The following RBMS3 variants were observed in gnomAD, a reference collection of about 807,000 sequenced individuals.
The protein encoded by RBMS3 is RNA-binding motif, single-stranded-interacting protein 3.
In RBMS3, 27 loss-of-function variants were observed where a neutral mutation model predicts 66.8. The observed-to-expected ratio is 0.40, with a 90% CI of 0.30 to 0.56. The LOEUF (loss-of-function observed/expected upper bound fraction) is 0.56. RBMS3 is among the 20% of genes least tolerant of loss of function. The probability of loss-of-function intolerance (pLI) is 0.40; values close to 1 mark genes in which losing one functional copy is unlikely to be tolerated. For synonymous variants in RBMS3, 188 were observed against 183.0 expected, an observed-to-expected ratio of 1.03 and a Z score of -0.22; for missense variants, 513 against 549.5, an observed-to-expected ratio of 0.93 and a Z score of 0.66.
intron 1 of RBMS3, among the ~76,000 whole-genome samples, chr3:29,285,143 C>T (rs1415146922): frequency 6.8e-6 from 1 of 147,800 alleles, no homozygotes; most frequent in East Asian, 2.0e-4. Context: ...AGTATTTTAT[C>T]ACCCTTTCCA....
At chr3:29,550,626 A>AGTGTAATAATTTT (rs1218949352) in intron 3 of RBMS3, among the ~76,000 whole-genome samples, 1 of 152,162 alleles carries the variant, frequency 6.6e-6, no homozygotes, top group African/African-American at 2.4e-5. Context: ...ATAGTGTAAT[A>AGTGTAATAATTTT]GTGTAATAAT....
chr3:29,936,138 A>G lies in RBMS3; in HGVS notation c.992A>G (p.Asn331Ser), dbSNP rs2061259565. The change falls in exon 11 of 15, where the codon AAC becomes AGC. Residue 331 changes from asparagine (N) to serine (S), a missense_variant. Coordinates refer to ENST00000383767, the MANE Select transcript of RBMS3 (RefSeq NM_001003793.3). The stretch of plus-strand genomic sequence containing the variant: ...CATCCCATGTCAATGCAGCCAGCCA[A>G]CATGATGGGCCCACTGACACAGCAG... Reference protein sequence around the residue: ...MDHPMSMQPANMMGPLTQQMN... With the variant: ...MDHPMSMQPASMMGPLTQQMN... The G allele has an allele frequency of 3.1e-6, 5 of 1,613,388 alleles. No homozygotes were observed. The highest frequency in any genetic ancestry group is 3.4e-6 in the Non-Finnish European group (4 of 1,179,556).
intron 4 of RBMS3, among the ~76,000 whole-genome samples, chr3:29,727,930 T>G (rs111448242): frequency 0.1 from 15,320 of 152,154 alleles, 881 homozygotes; most frequent in Middle Eastern, 0.21. Flanking sequence ...CAGCACTATT[T>G]ACGATAGTAA....
At chr3:29,423,090 A>G (rs2040814321) in intron 1 of RBMS3, among the ~76,000 whole-genome samples, 1 of 152,192 alleles carries the variant, frequency 6.6e-6, no homozygotes, top group Admixed American at 6.5e-5. Flanking sequence ...TTGGACAGAA[A>G]TAAAATTGGT....
intron 4 of RBMS3, among the ~76,000 whole-genome samples, chr3:29,721,218 A>G (rs1174760697): frequency 6.6e-6 from 1 of 152,184 alleles, no homozygotes; most frequent in Non-Finnish European, 1.5e-5. Flanking sequence ...TACTCAAACT[A>G]TAACAGAGGC....
At chr3:29,680,389 T>G (rs748352068) in intron 4 of RBMS3, among the ~76,000 whole-genome samples, 5 of 152,214 alleles carry the variant, frequency 3.3e-5, no homozygotes, top group African/African-American at 4.8e-5. Flanking sequence ...CTAAGCAAAA[T>G]AGTGCGTGTT....
intron 2 of RBMS3, among the ~76,000 whole-genome samples, chr3:29,487,933 C>T (rs75569000): frequency 0.091 from 13,827 of 152,138 alleles, 824 homozygotes; most frequent in African/African-American, 0.17. Context: ...TATTACATTG[C>T]TCCTGGAGCC....
At chr3:29,329,000 A>G (rs9850492) in intron 1 of RBMS3, among the ~76,000 whole-genome samples, 103,056 of 152,030 alleles carry the variant, frequency 0.68, 35,009 homozygotes, top group Admixed American at 0.75. Flanking sequence ...TCTCCATCAA[A>G]TGCATACCTA....
chr3:29,412,756 T>C (rs2040317216), intron 1 of RBMS3, among the ~76,000 whole-genome samples: 1 of 152,172 alleles, frequency 6.6e-6, no homozygotes. Context: ...ACAAAATGTT[T>C]ATCACCAGCA....
At chr3:29,700,786 G>C (rs575293109) in intron 4 of RBMS3, among the ~76,000 whole-genome samples, 1 of 152,046 alleles carries the variant, frequency 6.6e-6, no homozygotes, top group Non-Finnish European at 1.5e-5. Context: ...AAAAAGGATA[G>C]AGGAATTTAA....
chr3:29,561,980 T>C (rs1414881951), intron 3 of RBMS3, among the ~76,000 whole-genome samples: 2 of 152,172 alleles, frequency 1.3e-5, no homozygotes, highest in Admixed American at 6.5e-5. Flanking sequence ...ATAAGACCTT[T>C]GTTGGATGCA....
intron 1 of RBMS3, among the ~76,000 whole-genome samples, chr3:29,378,707 T>C (rs987078124): frequency 6.6e-6 from 1 of 152,182 alleles, no homozygotes; most frequent in Admixed American, 6.5e-5. Context: ...TTTCTCCTGA[T>C]ATATATTCTT....
At chr3:29,787,415 A>G (rs1449711702) in intron 6 of RBMS3, among the ~76,000 whole-genome samples, 1 of 152,230 alleles carries the variant, frequency 6.6e-6, no homozygotes, top group African/African-American at 2.4e-5. Context: ...TTCAATTGCA[A>G]AAATATGGAA....
chr3:29,837,675 T>TGAAC (rs2058554445), intron 6 of RBMS3, among the ~76,000 whole-genome samples: 1 of 59,990 alleles, frequency 1.7e-5, no homozygotes, highest in East Asian at 2.8e-4. Context: ...TATATATATA[T>TGAAC]ATATATATAT....
intron 10 of RBMS3, among the ~76,000 whole-genome samples, chr3:29,915,225 C>A (rs886842279): frequency 6.6e-6 from 1 of 151,608 alleles, no homozygotes; most frequent in African/African-American, 2.4e-5. Flanking sequence ...GCTGGATAAT[C>A]CCATCTTTGG....
rs562741160 is a variant in RBMS3 at position 29,504,818 on chromosome 3, A to G, written c.307+16319A>G. On this transcript the variant is annotated intron_variant, in intron 3 of 14. Transcript: ENST00000383767. ...TGAGTTGATAGCTCATTGTGGATTT[A>G]ATTTGTGTTTCTCTGATGACTAGTC... is the stretch of plus-strand genomic sequence containing the variant. 2.0e-5 allele frequency among the ~76,000 whole-genome samples: 3 copies of G among 151,952 alleles called. No homozygotes were observed. The South Asian group carries it at 6.2e-4, about 32-fold the overall frequency.
At chr3:29,893,315 G>A (rs561444388) in intron 8 of RBMS3, among the ~76,000 whole-genome samples, 3 of 151,534 alleles carry the variant, frequency 2.0e-5, no homozygotes, top group East Asian at 3.9e-4. Flanking sequence ...GCTAGTATCC[G>A]TTTACTTGGC....
At chr3:29,551,921 A>G (rs13091395) in intron 3 of RBMS3, among the ~76,000 whole-genome samples, 7,574 of 152,244 alleles carry the variant, frequency 0.05, 238 homozygotes, top group South Asian at 0.11. Flanking sequence ...CTGCACACGC[A>G]GTACCTGCTG....
intron 10 of RBMS3, among the ~76,000 whole-genome samples, chr3:29,922,416 A>G (rs933949825): frequency 1.9e-4 from 28 of 149,806 alleles, no homozygotes; most frequent in African/African-American, 4.9e-4. Flanking sequence ...GAACCCGGGA[A>G]GCGGAGCTTT....
Sources: gnomAD v4.1 joint callset for allele counts (sites outside exome capture counted in the v4.1 genomes callset) on GRCh38, gnomAD v4.1.1 for gene constraint, MANE v1.5 for transcripts, NCBI Gene and HGNC (gene_info 2026-07-23, HGNC 2026-07-21) for gene names.